CAPN8: variants seen among roughly 807,000 people sequenced by gnomAD.
CAPN8 encodes calpain 8.
CAPN8 carries 87 observed loss-of-function variants against 80.9 expected under a neutral mutation model. The observed-to-expected ratio is 1.07, with a 90% CI of 0.90 to 1.28. The LOEUF is 1.28. CAPN8 is among the 50% of genes most tolerant of loss of function. The pLI is 0.00. For missense variants in CAPN8, 757 were observed against 702.0 expected, an observed-to-expected ratio of 1.08 and a Z score of -0.89; for synonymous variants, 299 against 273.8, an observed-to-expected ratio of 1.09 and a Z score of -0.91.
chr1:223,651,665 T>G (rs1250955597), intron 2 of CAPN8, among the ~76,000 whole-genome samples: 2 of 152,230 alleles, frequency 1.3e-5, no homozygotes, highest in Non-Finnish European at 2.9e-5. Flanking sequence ...CACTGCCATG[T>G]GTTTTATAAG....
chr1:223,647,763 A>G (rs1373409152), intron 2 of CAPN8, among the ~76,000 whole-genome samples: 1 of 152,232 alleles, frequency 6.6e-6, no homozygotes, highest in African/African-American at 2.4e-5. Context: ...AATTATACTG[A>G]AAGTTATCAA....
intron 2 of CAPN8, among the ~76,000 whole-genome samples, chr1:223,629,672 C>T (rs959189282): frequency 1.3e-5 from 2 of 152,170 alleles, no homozygotes; most frequent in African/African-American, 4.8e-5. Context: ...CTTTGCTCAC[C>T]TCTACTTATT....
At chr1:223,554,383 G>C (rs1164757498) in intron 13 of CAPN8, among the ~76,000 whole-genome samples, 2 of 152,110 alleles carry the variant, frequency 1.3e-5, no homozygotes, top group Admixed American at 1.3e-4. Flanking sequence ...ACTCTGGGAG[G>C]CTGAGGCGGG....
Position 223,622,889 on chromosome 1 carries a change from C to G in CAPN8, c.825G>C (p.Gln275His). The stretch of plus-strand genomic sequence containing the variant: ...GTCTGATCAGCTTCTCTGGATGGCC[C>G]TGGAAATTCACCTGCAAATTCCATA... Reference protein sequence around the residue: ...SVTGVEEVNFQGHPEKLIRLR... With the variant: ...SVTGVEEVNFHGHPEKLIRLR... The change falls in exon 7 of 21, where the codon CAG (glutamine) becomes CAC (histidine). Residue 275 changes from glutamine (Q) to histidine (H), a missense_variant. Physicochemically the swap from Gln to His is conservative, Grantham distance 24. Coordinates refer to ENST00000366872, the MANE Select transcript of CAPN8 (RefSeq NM_001143962.2). 1 of 1,551,636 alleles carries G rather than the reference C, an allele frequency of 6.4e-7. No homozygotes were observed. Among genetic ancestry groups the G allele is most frequent in the East Asian group, 2.4e-5 (1 of 40,918 alleles).
chr1:223,641,117 CTT>C (rs1173458273), intron 2 of CAPN8, among the ~76,000 whole-genome samples: 2 of 152,090 alleles, frequency 1.3e-5, no homozygotes, highest in African/African-American at 2.4e-5. Flanking sequence ...CTAATGAACT[CTT>C]TGAAAGTTTT....
intron 18 of CAPN8, 53 bp from the exon 19 acceptor site, chr1:223,544,236 C>T (rs937622791): frequency 9.9e-6 from 7 of 707,478 alleles, no homozygotes; most frequent in African/African-American, 1.8e-5. Flanking sequence ...TCAGCACTGT[C>T]TCCCATAAAC....
intron 2 of CAPN8, among the ~76,000 whole-genome samples, chr1:223,635,395 G>A (rs1013331052): frequency 2.7e-4 from 41 of 152,210 alleles, no homozygotes; most frequent in Admixed American, 1.8e-3. Context: ...GCAGAGCAGG[G>A]CTAATTCATA....
At chr1:223,542,269 G>GTA (rs72402922) in intron 20 of CAPN8, among the ~76,000 whole-genome samples, 4,160 of 150,732 alleles carry the variant, frequency 0.028, 64 homozygotes, top group Non-Finnish European at 0.03. Context: ...TTCTATATGT[G>GTA]TATATATATA....
intron 11 of CAPN8, among the ~76,000 whole-genome samples, chr1:223,611,079 G>A (rs1279756375): frequency 1.3e-5 from 2 of 152,200 alleles, no homozygotes; most frequent in East Asian, 1.9e-4. Flanking sequence ...GGCACTGTGA[G>A]GTGCTGCTGG....
chr1:223,665,598 C>G lies in CAPN8; in HGVS notation c.49G>C (p.Gly17Arg), dbSNP rs1658766498. The G allele has an allele frequency of 6.4e-7, 1 of 1,551,692 alleles. No individual in the cohort carries two copies. The highest frequency in any genetic ancestry group is 1.2e-5 in the South Asian group (1 of 84,042). The change falls in exon 1 of 21, where the codon GGT becomes CGT. Residue 17 changes from glycine to arginine, a missense_variant. Gly to Arg is a moderately radical substitution (Grantham distance 125). Transcript: ENST00000366872. The part of the protein sequence containing the change: ...GVSRQRAATQ[G>R]LGSNQNALKY... ...AAAGCGTTTTGGTTGGAGCCAAGAC[C>G]TTGAGTGGCTGCCCGCTGCCTAGAT...
rs115060317 is a variant in CAPN8, at chr1:223,615,859, C to G, written c.1311+111G>C. On this transcript the variant is annotated intron_variant, in intron 10 of 20. Coordinates refer to ENST00000366872, the MANE Select transcript of CAPN8 (RefSeq NM_001143962.2). ...GGTATATAGAGGAGCAAGGACGCTTCTCGATTAGGAATACTCCAGCAATAG... is the reference window on the plus strand; with the variant it reads ...GGTATATAGAGGAGCAAGGACGCTTGTCGATTAGGAATACTCCAGCAATAG... 2.5e-3 allele frequency: 3,345 copies of G among 1,362,056 alleles called. 54 individuals carry two copies. In the African/African-American group the frequency reaches 0.038, roughly 15 times the overall value. 84.4% of individuals were successfully genotyped at this position (1,362,056 alleles called of 1,614,324 possible).
chr1:223,640,772 G>A (rs2102724674), intron 2 of CAPN8, among the ~76,000 whole-genome samples: 1 of 152,150 alleles, frequency 6.6e-6, no homozygotes, highest in African/African-American at 2.4e-5. Flanking sequence ...AAGCAAAATT[G>A]TCATGATGTG....
chr1:223,653,405 G>A (rs1658393521), intron 2 of CAPN8, among the ~76,000 whole-genome samples: 1 of 151,970 alleles, frequency 6.6e-6, no homozygotes, highest in East Asian at 1.9e-4. Flanking sequence ...AAGAGAAAGG[G>A]CTTTCTTGGC....
chr1:223,642,867 T>G (rs912484286), intron 2 of CAPN8: 1 of 455,396 alleles, frequency 2.2e-6, no homozygotes, highest in Admixed American at 2.4e-5. Context: ...CTCAATGGCA[T>G]GAAACAGCTT....
chr1:223,628,247 T>A, intron 3 of CAPN8, 105 bp from the exon 4 acceptor site: 1 of 1,315,762 alleles, frequency 7.6e-7, no homozygotes, highest in Non-Finnish European at 1.0e-6. Flanking sequence ...AGTGTTCGAG[T>A]CTTGGCTCCT....
intron 2 of CAPN8, among the ~76,000 whole-genome samples, chr1:223,650,090 A>C (rs1403877321): frequency 6.6e-6 from 1 of 152,188 alleles, no homozygotes; most frequent in South Asian, 2.1e-4. Context: ...CTAGTGGTAG[A>C]TCAAGAGAGA....
At chr1:223,614,836 TCAAA>T (rs1193800195) in intron 10 of CAPN8, among the ~76,000 whole-genome samples, 1 of 152,244 alleles carries the variant, frequency 6.6e-6, no homozygotes, top group Non-Finnish European at 1.5e-5. Flanking sequence ...TTTTATCTCT[TCAAA>T]CAGAGTCTGG....
intron 2 of CAPN8, among the ~76,000 whole-genome samples, chr1:223,649,612 A>G (rs1415558036): frequency 6.6e-6 from 1 of 152,232 alleles, no homozygotes; most frequent in Non-Finnish European, 1.5e-5. Flanking sequence ...AAATAGAGAC[A>G]CATAGGCAAC....
intron 16 of CAPN8, among the ~76,000 whole-genome samples, chr1:223,547,974 A>C (rs1656669669): frequency 6.6e-6 from 1 of 152,234 alleles, no homozygotes; most frequent in African/African-American, 2.4e-5. Flanking sequence ...CCCCAGCCTC[A>C]TGCAGGGAGT....
Sources: allele counts gnomAD v4.1 joint callset (sites outside exome capture counted in the v4.1 genomes callset), GRCh38; gene constraint gnomAD v4.1.1; transcripts MANE v1.5; gene names NCBI Gene and HGNC (gene_info 2026-07-23, HGNC 2026-07-21).